Variants in CDH13 observed in about 807,000 individuals in gnomAD.
The protein encoded by CDH13 is cadherin 13, also known as cadherin-13.
A neutral mutation model predicts 63.8 loss-of-function variants in CDH13; 24 were observed. That is an observed-to-expected ratio of 0.38 (90% CI 0.27 to 0.53). The LOEUF (loss-of-function observed/expected upper bound fraction) is 0.53. CDH13 is among the 20% of genes least tolerant of loss of function. CDH13 has a pLI of 0.85. For missense variants in CDH13, 1,049 were observed against 903.1 expected (o/e 1.16, Z -2.07); for synonymous variants, 503 against 355.3 (o/e 1.42, Z -4.67).
chr16:82,815,488 G>T (rs189491447), intron 1 of CDH13, among the ~76,000 whole-genome samples: 1 of 152,288 alleles, frequency 6.6e-6, no homozygotes, highest in Non-Finnish European at 1.5e-5. Context: ...AGAACAATGC[G>T]TGGAACATGG....
intron 6 of CDH13, among the ~76,000 whole-genome samples, chr16:83,351,183 T>C (rs1006372561): frequency 3.9e-5 from 6 of 152,166 alleles, no homozygotes; most frequent in Non-Finnish European, 8.8e-5. Context: ...AATTTTTTTT[T>C]GCTGATATTT....
At chr16:82,928,046 G>C (rs1340824320) in intron 2 of CDH13, among the ~76,000 whole-genome samples, 2 of 152,158 alleles carry the variant, frequency 1.3e-5, no homozygotes, top group African/African-American at 2.4e-5. Context: ...TTGTGATGGG[G>C]ATGGTGACAT....
intron 4 of CDH13, chr16:83,181,047 T>A: frequency 6.7e-7 from 1 of 1,484,810 alleles, no homozygotes; most frequent in Non-Finnish European, 9.0e-7. Context: ...TTCAAATCCA[T>A]TTTCTCTACA....
At chr16:82,705,215 A>G (rs1212684811) in intron 1 of CDH13, 3 of 454,422 alleles carry the variant, frequency 6.6e-6, no homozygotes, top group East Asian at 7.0e-5. Flanking sequence ...GCTTTCAGGT[A>G]TATAGCACAT....
chr16:83,311,813 G>A (rs144268764), intron 5 of CDH13, among the ~76,000 whole-genome samples: 9 of 152,282 alleles, frequency 5.9e-5, no homozygotes, highest in East Asian at 5.8e-4. Context: ...AGTGGCTCAC[G>A]CCTGTAATCC....
chr16:82,797,781 G>T lies in CDH13; in HGVS notation c.46-60581G>T, dbSNP rs77437727. ...CATGTATGACTTTAGGGCCGTGTGTGTGTGTGTGTGTGTGTGTGTGTGTGT... is the reference window on the plus strand; with the variant it reads ...CATGTATGACTTTAGGGCCGTGTGTTTGTGTGTGTGTGTGTGTGTGTGTGT... On this transcript the variant is annotated intron_variant, in intron 1 of 13. Transcript: ENST00000567109. Among the ~76,000 whole-genome samples the T allele has an allele frequency of 8.3e-3, 1,248 of 149,758 alleles. 46 individuals carry two copies. The highest frequency in any genetic ancestry group is 0.07 in the Admixed American group (1,043 of 14,988).
At chr16:82,791,302 A>AGC (rs2036292204) in intron 1 of CDH13, among the ~76,000 whole-genome samples, 1 of 152,146 alleles carries the variant, frequency 6.6e-6, no homozygotes. Flanking sequence ...CCACTTTTAA[A>AGC]CACGGGGCTT....
chr16:83,091,899 T>A (rs866291534), intron 3 of CDH13, among the ~76,000 whole-genome samples: 6 of 152,346 alleles, frequency 3.9e-5, no homozygotes, highest in Middle Eastern at 6.8e-3. Context: ...ATAAGTATTT[T>A]AAGAATAAAT....
At chr16:83,309,901 G>T (rs920137167) in intron 5 of CDH13, among the ~76,000 whole-genome samples, 1 of 151,888 alleles carries the variant, frequency 6.6e-6, no homozygotes, top group Non-Finnish European at 1.5e-5. Flanking sequence ...TTATATCCCT[G>T]GCAGAATAAT....
At chr16:83,694,113 G>A (rs927345140) in intron 10 of CDH13, among the ~76,000 whole-genome samples, 1 of 152,164 alleles carries the variant, frequency 6.6e-6, no homozygotes, top group African/African-American at 2.4e-5. Flanking sequence ...ATCACAGAAT[G>A]GATAGAAAAC....
intron 6 of CDH13, among the ~76,000 whole-genome samples, chr16:83,453,628 C>T (rs1042544642): frequency 7.9e-5 from 12 of 152,078 alleles, no homozygotes; most frequent in African/African-American, 1.9e-4. Flanking sequence ...GTGGGGTGTG[C>T]GTCTGTTTAA....
chr16:82,895,155 T>C (rs1221651597), intron 2 of CDH13, among the ~76,000 whole-genome samples: 5 of 152,148 alleles, frequency 3.3e-5, no homozygotes, highest in Admixed American at 3.3e-4. Context: ...GTTCAAAACA[T>C]TTTCATCACC....
intron 5 of CDH13, among the ~76,000 whole-genome samples, chr16:83,296,104 G>A (rs2089590572): frequency 6.6e-6 from 1 of 152,148 alleles, no homozygotes; most frequent in Non-Finnish European, 1.5e-5. Context: ...AAATTTCTCT[G>A]ACTAGCTTTC....
At chr16:83,064,206 C>T (rs1052718386) in intron 3 of CDH13, among the ~76,000 whole-genome samples, 1 of 152,144 alleles carries the variant, frequency 6.6e-6, no homozygotes, top group Non-Finnish European at 1.5e-5. Flanking sequence ...CCATCTGTAT[C>T]AAAAATACAA....
intron 2 of CDH13, among the ~76,000 whole-genome samples, chr16:82,947,088 CCTCT>C (rs1235505719): frequency 6.9e-6 from 1 of 145,084 alleles, no homozygotes; most frequent in African/African-American, 2.5e-5. Flanking sequence ...CTTCCTTATT[CCTCT>C]CTCTGATTAC....
intron 1 of CDH13, chr16:82,826,512 T>G (rs1263363154): frequency 6.6e-6 from 1 of 152,212 alleles, no homozygotes; most frequent in Non-Finnish European, 1.5e-5. Flanking sequence ...TCCTAATCAT[T>G]ATTAAAATAG....
At chr16:82,924,905 T>A (rs1338152749) in intron 2 of CDH13, among the ~76,000 whole-genome samples, 2 of 152,178 alleles carry the variant, frequency 1.3e-5, no homozygotes, top group Non-Finnish European at 2.9e-5. Context: ...TTAAAGCACT[T>A]TGGAGACACT....
intron 5 of CDH13, among the ~76,000 whole-genome samples, chr16:83,314,058 T>A (rs1328113445): frequency 6.6e-6 from 1 of 152,236 alleles, no homozygotes; most frequent in Non-Finnish European, 1.5e-5. Context: ...ACTGTGTAAT[T>A]TACCTGCTGT....
At chr16:82,631,439 T>C (rs1433295285) in intron 1 of CDH13, among the ~76,000 whole-genome samples, 1 of 152,150 alleles carries the variant, frequency 6.6e-6, no homozygotes, top group African/African-American at 2.4e-5. Context: ...GAGAAGGAAA[T>C]ATCCCCCTGT....
Sources: gnomAD v4.1 joint callset for allele counts (sites outside exome capture counted in the v4.1 genomes callset) on GRCh38, gnomAD v4.1.1 for gene constraint, MANE v1.5 for transcripts, NCBI Gene and HGNC (gene_info 2026-07-23, HGNC 2026-07-21) for gene names.